Variants in ADARB1 observed in about 807,000 individuals in gnomAD.
ADARB1 encodes the protein adenosine deaminase RNA specific B1.
A neutral mutation model predicts 52.4 loss-of-function variants in ADARB1; 10 were observed. That is an observed-to-expected ratio of 0.19 (90% CI 0.12 to 0.32). ADARB1 has a LOEUF of 0.32. ADARB1 is among the 10% of genes least tolerant of loss of function. The probability of loss-of-function intolerance (pLI) is 1.00; values close to 1 mark genes in which losing one functional copy is unlikely to be tolerated. For missense variants in ADARB1, 643 were observed against 922.3 expected (o/e 0.70, Z 3.92); for synonymous variants, 349 against 371.1 (o/e 0.94, Z 0.68).
chr21:45,162,751 G>T (rs2091039974), intron 2 of ADARB1, among the ~76,000 whole-genome samples: 1 of 152,174 alleles, frequency 6.6e-6, no homozygotes, highest in South Asian at 2.1e-4. Flanking sequence ...ACCAGGGCTT[G>T]CTCCGCCTAT....
chr21:45,198,617 C>A (rs2092480999), intron 8 of ADARB1, among the ~76,000 whole-genome samples: 1 of 152,032 alleles, frequency 6.6e-6, no homozygotes, highest in Non-Finnish European at 1.5e-5. Flanking sequence ...TGAGTGAGTT[C>A]TAGACATCGT....
At chr21:45,154,435 T>A (rs1323076650) in intron 2 of ADARB1, among the ~76,000 whole-genome samples, 1 of 152,384 alleles carries the variant, frequency 6.6e-6, no homozygotes, top group Middle Eastern at 3.4e-3. Context: ...CTGGCAAAGT[T>A]TTATAAGATG....
At chr21:45,167,367 G>A (rs1168039401) in intron 2 of ADARB1, among the ~76,000 whole-genome samples, 1 of 152,212 alleles carries the variant, frequency 6.6e-6, no homozygotes, top group Non-Finnish European at 1.5e-5. Flanking sequence ...TCTGAGAGAA[G>A]TCAGCCTTCT....
intron 1 of ADARB1, among the ~76,000 whole-genome samples, chr21:45,121,842 G>T (rs528118188): frequency 2.0e-5 from 3 of 152,114 alleles, no homozygotes; most frequent in Non-Finnish European, 4.4e-5. Context: ...TTTTCTGTAC[G>T]TATATGGTGT....
intron 5 of ADARB1, among the ~76,000 whole-genome samples, chr21:45,181,292 T>G (rs150339389): frequency 6.6e-6 from 1 of 152,296 alleles, no homozygotes; most frequent in Non-Finnish European, 1.5e-5. Context: ...TCTGCAGCCC[T>G]CTTCACTGAC....
chr21:45,074,598 T>TGGCGGCCGTGGCGGCGGCGGCGGC lies in ADARB1; in HGVS notation c.-409_-408insCGTGGCGGCGGCGGCGGCGGCGGC, dbSNP rs1555882576. Reference sequence around the variant, plus strand: ...CGGGGCTGAGGCGCTGAGGCGGCCGTGGCGGCGGCGGCGGCGGCGGCGGCA... The same window carrying TGGCGGCCGTGGCGGCGGCGGCGGC: ...CGGGGCTGAGGCGCTGAGGCGGCCGTGGCGGCCGTGGCGGCGGCGGCGGCGGCGGCGGCGGCGGCGGCGGCGGCA... On this transcript the variant is annotated 5_prime_UTR_variant, in exon 1 of 11. Coordinates refer to ENST00000348831, the MANE Select transcript of ADARB1 (RefSeq NM_001112.4). 1 of 145,044 alleles carries TGGCGGCCGTGGCGGCGGCGGCGGC rather than the reference T, an allele frequency of 6.9e-6. No homozygotes were observed. Among genetic ancestry groups the TGGCGGCCGTGGCGGCGGCGGCGGC allele is most frequent in the Non-Finnish European group, 1.5e-5 (1 of 66,660 alleles). 9.0% of individuals were successfully genotyped at this position (145,044 alleles called of 1,614,324 possible).
In ADARB1 at chr21:45,225,624, G is replaced by A. The variant is rs2093048488; in HGVS notation, c.*3427G>A. ...TGGGATTAGCGAAGCTGTGGAGACT[G>A]CACATCCGGACCTGCCCATGTCTCA... is the stretch of plus-strand genomic sequence containing the variant. On this transcript the variant is annotated 3_prime_UTR_variant, in exon 11 of 11. Coordinates refer to ENST00000348831, the MANE Select transcript of ADARB1 (RefSeq NM_001112.4). The A allele has an allele frequency of 1.6e-6, 2 of 1,259,890 alleles. No homozygotes were observed. The highest frequency in any genetic ancestry group is 2.1e-6 in the Non-Finnish European group (2 of 972,554). 78.0% of individuals were successfully genotyped at this position (1,259,890 alleles called of 1,614,324 possible).
intron 8 of ADARB1, 66 bp downstream of exon 8, chr21:45,185,157 C>T: frequency 1.3e-6 from 2 of 1,537,678 alleles, no homozygotes; most frequent in Admixed American, 1.9e-5. Context: ...TGTTTGCCAA[C>T]CTCCCTTTTC....
intron 8 of ADARB1, among the ~76,000 whole-genome samples, chr21:45,198,992 A>G (rs566047537): frequency 7.2e-5 from 11 of 152,218 alleles, no homozygotes; most frequent in Non-Finnish European, 1.6e-4. Context: ...ATAGTAATCA[A>G]AAGTGAGTGG....
chr21:45,121,459 G>T (rs2088182230), intron 1 of ADARB1, among the ~76,000 whole-genome samples: 1 of 152,184 alleles, frequency 6.6e-6, no homozygotes, highest in Non-Finnish European at 1.5e-5. Context: ...TCCGCTCTCA[G>T]CCTGACTGTC....
intron 1 of ADARB1, among the ~76,000 whole-genome samples, chr21:45,113,523 GTA>G (rs1207979584): frequency 0.093 from 9,501 of 101,838 alleles, 440 homozygotes; most frequent in Admixed American, 0.2. Context: ...GTGTGTGTGT[GTA>G]TATATATATA....
intron 9 of ADARB1, among the ~76,000 whole-genome samples, chr21:45,213,728 T>G (rs1375312874): frequency 6.6e-6 from 1 of 152,174 alleles, no homozygotes. Flanking sequence ...TTATCCATAG[T>G]TCATTCCTTT....
chr21:45,142,552 G>A lies in ADARB1; in HGVS notation c.-48+13979G>A, dbSNP rs568209794. On this transcript the variant is annotated intron_variant, in intron 2 of 10. Coordinates refer to ENST00000348831, the MANE Select transcript of ADARB1 (RefSeq NM_001112.4). The surrounding 1 kb of genome is among the most constrained non-coding windows in gnomAD (Gnocchi z 4.0). The stretch of plus-strand genomic sequence containing the variant: ...TTCTTTAACTGGGCAGCATTGTAGC[G>A]GGGTGGAGTGTGGGTCCCCAGGTTG... Among the ~76,000 whole-genome samples the A allele has an allele frequency of 2.6e-5, 4 of 152,302 alleles. No homozygotes were observed. The highest frequency in any genetic ancestry group is 4.1e-4 in the South Asian group (2 of 4,830).
At chr21:45,091,360 G>A (rs1020446862) in intron 1 of ADARB1, among the ~76,000 whole-genome samples, 1 of 152,154 alleles carries the variant, frequency 6.6e-6, no homozygotes, top group Non-Finnish European at 1.5e-5. Context: ...TTCTTATGAT[G>A]AAAAAACAGA....
chr21:45,217,662 C>G (rs1361453454), intron 9 of ADARB1, among the ~76,000 whole-genome samples: 2 of 152,156 alleles, frequency 1.3e-5, no homozygotes, highest in African/African-American at 4.8e-5. Flanking sequence ...GCTCTTCATT[C>G]TTTGTATAGA....
intron 2 of ADARB1, among the ~76,000 whole-genome samples, chr21:45,163,724 G>C (rs2091103517): frequency 6.6e-6 from 1 of 152,252 alleles, no homozygotes; most frequent in African/African-American, 2.4e-5. Flanking sequence ...TGGGAGTCGG[G>C]TGTGGACGGT....
At position 45,171,549 on chromosome 21, in the gene ADARB1, A is replaced by T. The variant is rs1372633292; in HGVS notation, c.-47-61A>T. 5 of 1,016,848 alleles carry T rather than the reference A, an allele frequency of 4.9e-6. No individual in the cohort carries two copies. In the African/African-American group the frequency reaches 6.5e-5, roughly 13 times the overall value. The allele number at this position is 1,016,848 out of a possible 1,614,324, so 63.0% of individuals were successfully genotyped here. ...TGTTGTAATTATTTCCTTAGAGTAG[A>T]CTTACTTCATATTACTCCTGTCATA... On this transcript the variant is annotated intron_variant, in intron 2 of 10. Coordinates refer to ENST00000348831, the MANE Select transcript of ADARB1 (RefSeq NM_001112.4).
intron 1 of ADARB1, among the ~76,000 whole-genome samples, chr21:45,127,597 G>A (rs1011550251): frequency 2.0e-5 from 3 of 152,104 alleles, no homozygotes; most frequent in African/African-American, 7.2e-5. Context: ...CAGCAGGAAC[G>A]CATTGTGATG....
At chr21:45,216,339 T>C (rs11702568) in intron 9 of ADARB1, among the ~76,000 whole-genome samples, 2,695 of 152,244 alleles carry the variant, frequency 0.018, 28 homozygotes, top group Admixed American at 0.026. Context: ...TTCTTTTTTT[T>C]CCGCTTACCT....
Sources: allele counts gnomAD v4.1 joint callset (sites outside exome capture counted in the v4.1 genomes callset), GRCh38; gene constraint gnomAD v4.1.1; non-coding constraint Gnocchi (gnomAD v3.1); transcripts MANE v1.5; gene names NCBI Gene and HGNC (gene_info 2026-07-23, HGNC 2026-07-21).